Variants in SLC67A2 observed in about 807,000 individuals in gnomAD.
SLC67A2 encodes solute carrier family 67 member 2.
the SLC67A2 span, among the ~76,000 whole-genome samples, chr2:102,729,059 C>T: frequency 6.6e-6 from 1 of 152,050 alleles, no homozygotes; most frequent in African/African-American, 2.4e-5. Context: ...GATTTGTTCT[C>T]AAAATTAAAA....
chr2:102,732,461 A>T, the SLC67A2 span: 1 of 1,415,244 alleles, frequency 7.1e-7, no homozygotes, highest in East Asian at 2.3e-5. Context: ...TCAAACTAGT[A>T]AACCTAAAAA....
At chr2:102,728,014 C>T in the SLC67A2 span, among the ~76,000 whole-genome samples, 1 of 152,054 alleles carries the variant, frequency 6.6e-6, no homozygotes, top group African/African-American at 2.4e-5. Flanking sequence ...GAAACCTGCC[C>T]GGCGTAGCTC....
the SLC67A2 span, among the ~76,000 whole-genome samples, chr2:102,715,540 T>C: frequency 2.0e-5 from 3 of 152,088 alleles, no homozygotes; most frequent in Non-Finnish European, 2.9e-5. Flanking sequence ...CTTTTCAGAA[T>C]GTTATTCATC....
At chr2:102,715,281 AG>A in the SLC67A2 span, among the ~76,000 whole-genome samples, 1 of 152,280 alleles carries the variant, frequency 6.6e-6, no homozygotes, top group South Asian at 2.1e-4. Context: ...TCTCAACCCG[AG>A]CATGGCAGCC....
At chr2:102,720,825 G>A in the SLC67A2 span, among the ~76,000 whole-genome samples, 4 of 152,186 alleles carry the variant, frequency 2.6e-5, no homozygotes, top group Admixed American at 6.5e-5. Flanking sequence ...GAGGATATAA[G>A]AAGCTAACGG....
the SLC67A2 span, chr2:102,736,539 T>G: frequency 1.9e-6 from 3 of 1,606,388 alleles, no homozygotes; most frequent in Non-Finnish European, 2.5e-6. Context: ...CCAGGCGGAC[T>G]GCGGGTTCCC....
the SLC67A2 span, chr2:102,732,086 A>T: frequency 1.6e-6 from 1 of 633,078 alleles, no homozygotes; most frequent in Non-Finnish European, 3.0e-6. Flanking sequence ...CACTAGTGGC[A>T]TGGGACTTGG....
chr2:102,714,978 C>T, the SLC67A2 span, among the ~76,000 whole-genome samples: 12 of 152,126 alleles, frequency 7.9e-5, no homozygotes, highest in Non-Finnish European at 1.0e-4. Context: ...CAGGAAAAGA[C>T]GCCAAGCAAC....
At chr2:102,721,677 G>GTA in the SLC67A2 span, among the ~76,000 whole-genome samples, 1 of 151,754 alleles carries the variant, frequency 6.6e-6, no homozygotes, top group African/African-American at 2.4e-5. Flanking sequence ...GTGTGTGTGT[G>GTA]TGTGTCTGTG....
At chr2:102,723,735 G>C in the SLC67A2 span, 1 of 1,614,114 alleles carries the variant, frequency 6.2e-7, no homozygotes, top group Non-Finnish European at 8.5e-7. Context: ...GCAGATGAAG[G>C]CTGTGAGATA....
the SLC67A2 span, chr2:102,723,654 G>A: frequency 6.5e-7 from 1 of 1,542,080 alleles, no homozygotes; most frequent in South Asian, 1.1e-5. Flanking sequence ...AGGTAAATTG[G>A]TCAGTATGAA....
the SLC67A2 span, chr2:102,731,031 T>C: frequency 1.1e-5 from 17 of 1,613,730 alleles, no homozygotes; most frequent in South Asian, 1.8e-4. Context: ...TTACCACCAA[T>C]GTGCTAGAAA....
chr2:102,718,974 C>A, the SLC67A2 span: 2 of 1,614,214 alleles, frequency 1.2e-6, no homozygotes, highest in South Asian at 1.1e-5. Context: ...AGCAAGCGCA[C>A]CAGAAATATG....
At chr2:102,730,036 A>G in the SLC67A2 span, among the ~76,000 whole-genome samples, 2 of 152,214 alleles carry the variant, frequency 1.3e-5, no homozygotes, top group African/African-American at 2.4e-5. Context: ...TTGTGAGACT[A>G]AATAGACTAT....
At chr2:102,724,117 G>A in the SLC67A2 span, among the ~76,000 whole-genome samples, 35 of 152,018 alleles carry the variant, frequency 2.3e-4, no homozygotes, top group African/African-American at 8.2e-4. Flanking sequence ...ACCGTAATTA[G>A]ACTCCTGGCC....
the SLC67A2 span, chr2:102,726,750 C>T: frequency 6.7e-7 from 1 of 1,496,900 alleles, no homozygotes. Flanking sequence ...TTGAGCAAGA[C>T]CACAGAGGTG....
chr2:102,719,194 G>T, the SLC67A2 span: 2 of 1,612,030 alleles, frequency 1.2e-6, no homozygotes, highest in East Asian at 4.5e-5. Context: ...TCCATGGAAA[G>T]AACCAAACGA....
At chr2:102,722,064 T>G in the SLC67A2 span, among the ~76,000 whole-genome samples, 1 of 152,216 alleles carries the variant, frequency 6.6e-6, no homozygotes. Context: ...ATCTCTTCCC[T>G]CATGGAGTCT....
the SLC67A2 span, among the ~76,000 whole-genome samples, chr2:102,730,751 G>A: frequency 2.6e-5 from 4 of 151,938 alleles, no homozygotes; most frequent in Non-Finnish European, 4.4e-5. Flanking sequence ...GGGTTTCACC[G>A]TATTAGCCAG....
Sources: gnomAD v4.1 joint callset for allele counts (sites outside exome capture counted in the v4.1 genomes callset) on GRCh38, gnomAD v4.1.1 for gene constraint, MANE v1.5 for transcripts, NCBI Gene and HGNC (gene_info 2026-07-23, HGNC 2026-07-21) for gene names.